Variants in MRPL42 observed in about 807,000 individuals in gnomAD.
The protein encoded by MRPL42 is mitochondrial ribosomal protein L42.
A neutral mutation model predicts 17.9 loss-of-function variants in MRPL42; 17 were observed. The observed-to-expected ratio is 0.95, with a 90% CI of 0.65 to 1.42. MRPL42 has a LOEUF of 1.42. Among genes scored for constraint, MRPL42 ranks in the 40% most tolerant of loss-of-function variants. The pLI, the probability that MRPL42 is intolerant of heterozygous loss-of-function variation, is 0.00. For missense variants in MRPL42, 177 were observed against 175.2 expected, an observed-to-expected ratio of 1.01 and a Z score of -0.06; for synonymous variants, 59 against 54.4, an observed-to-expected ratio of 1.08 and a Z score of -0.37.
chr12:93,509,317 C>T lies in MRPL42; in HGVS notation c.*8096C>T, dbSNP rs1309242748. 6.6e-6 allele frequency: 1 copy of T among 151,988 alleles called. No individual in the cohort carries two copies. The highest frequency in any genetic ancestry group is 1.5e-5 in the Non-Finnish European group (1 of 68,004). The allele number at this position is 151,988 out of a possible 1,614,324, so 9.4% of individuals were successfully genotyped here. A position where few individuals can be genotyped will look rare whatever the true frequency, so the allele number is the denominator to read the frequency against. On this transcript the variant is annotated 3_prime_UTR_variant, in exon 6 of 6. Coordinates refer to ENST00000549982, the MANE Select transcript of MRPL42 (RefSeq NM_014050.4). ...ATTTGATAATATTTTTAGTTTTAGC[C>T]ATTCTAATGGATATATAGTAATAAT...
intron 4 of MRPL42, among the ~76,000 whole-genome samples, chr12:93,485,959 C>T (rs1880721925): frequency 6.6e-6 from 1 of 152,000 alleles, no homozygotes; most frequent in Admixed American, 6.6e-5. Flanking sequence ...CCATGCACCA[C>T]CACACCTGGC....
chr12:93,495,110 C>A (rs943896705), intron 5 of MRPL42, among the ~76,000 whole-genome samples: 1 of 152,154 alleles, frequency 6.6e-6, no homozygotes, highest in African/African-American at 2.4e-5. Flanking sequence ...TAACAGGAAC[C>A]TCTCTTGCTT....
intron 5 of MRPL42, among the ~76,000 whole-genome samples, chr12:93,495,408 G>T (rs1444722773): frequency 1.3e-5 from 2 of 151,722 alleles, no homozygotes; most frequent in Non-Finnish European, 2.9e-5. Context: ...GTTGTTGTTT[G>T]TATTTTTTGG....
At chr12:93,475,341 C>G (rs907144668) in intron 2 of MRPL42, among the ~76,000 whole-genome samples, 5 of 151,876 alleles carry the variant, frequency 3.3e-5, no homozygotes, top group Non-Finnish European at 7.4e-5. Flanking sequence ...GTCTTGAACT[C>G]CTGACCTCAA....
chr12:93,479,293 G>A (rs1880340223), intron 3 of MRPL42, 95 bp from the exon 4 acceptor site: 1 of 675,620 alleles, frequency 1.5e-6, no homozygotes, highest in Admixed American at 3.5e-5. Flanking sequence ...CAGCCTGGGT[G>A]ACATAGTGAG....
chr12:93,498,160 A>G (rs61934350), intron 5 of MRPL42, among the ~76,000 whole-genome samples: 43 of 12,874 alleles, frequency 3.3e-3, no homozygotes, highest in Non-Finnish European at 6.2e-3. Context: ...AAGATCCATG[A>G]AAGTCGGGAT....
intron 2 of MRPL42, among the ~76,000 whole-genome samples, chr12:93,472,677 T>C (rs1191808381): frequency 6.6e-6 from 1 of 152,196 alleles, no homozygotes; most frequent in Non-Finnish European, 1.5e-5. Flanking sequence ...AGCGAAATCA[T>C]GATTAAGGAA....
rs567849703 is a variant in MRPL42, at chr12:93,514,953, C to G, written c.*13732C>G. 8 of 152,246 alleles carry G rather than the reference C, an allele frequency of 5.3e-5. No individual in the cohort carries two copies. Among genetic ancestry groups the G allele is most frequent in the African/African-American group, 1.9e-4 (8 of 41,548 alleles). The allele number at this position is 152,246 out of a possible 1,614,324, so 9.4% of individuals were successfully genotyped here. A position where few individuals can be genotyped will look rare whatever the true frequency, so the allele number is the denominator to read the frequency against. On this transcript the variant is annotated 3_prime_UTR_variant, in exon 6 of 6. Coordinates refer to ENST00000549982, the MANE Select transcript of MRPL42 (RefSeq NM_014050.4). ...ATCCTCTTGATTTGCATTGAGTCAT[C>G]ATTTCTTAAGAGGGAATCAGGATAT...
Position 93,497,915 on chromosome 12 carries a change from A to G in MRPL42, c.384-3261A>G, listed in dbSNP as rs559672795. Among the ~76,000 whole-genome samples the G allele has an allele frequency of 4.6e-4, 68 of 147,308 alleles. No homozygotes were observed. In the South Asian group the frequency reaches 0.014, roughly 30 times the overall value. On this transcript the variant is annotated intron_variant, in intron 5 of 5. Transcript: ENST00000549982. ...GGTCCTGCATTACCTCTCTGCTCTCATGCCCTACTGTCTTTTCCTTGTTCA... is the reference window on the plus strand; with the variant it reads ...GGTCCTGCATTACCTCTCTGCTCTCGTGCCCTACTGTCTTTTCCTTGTTCA...
rs1365409943 is a variant in MRPL42 at position 93,513,049 on chromosome 12, T to A, written c.*11828T>A. ...ATCCCTTTGTAAATCTGGTTTCATC[T>A]TATGAATAATATTTTTTAAAAACCA... On this transcript the variant is annotated 3_prime_UTR_variant, in exon 6 of 6. Coordinates refer to ENST00000549982, the MANE Select transcript of MRPL42 (RefSeq NM_014050.4). The A allele has an allele frequency of 6.6e-6, 1 of 152,192 alleles. No individual in the cohort carries two copies. The highest frequency in any genetic ancestry group is 6.5e-5 in the Admixed American group (1 of 15,278). 9.4% of individuals were successfully genotyped at this position (152,192 alleles called of 1,614,324 possible).
chr12:93,500,244 C>T (rs1698010693), intron 5 of MRPL42, among the ~76,000 whole-genome samples: 1 of 152,016 alleles, frequency 6.6e-6, no homozygotes, highest in Non-Finnish European at 1.5e-5. Context: ...TTTCTATATT[C>T]CTTTGGGACA....
At chr12:93,495,480 C>T (rs1319379524) in intron 5 of MRPL42, among the ~76,000 whole-genome samples, 1 of 152,106 alleles carries the variant, frequency 6.6e-6, no homozygotes, top group Non-Finnish European at 1.5e-5. Flanking sequence ...AGCAATCTGT[C>T]CACCTTGGCC....
intron 2 of MRPL42, among the ~76,000 whole-genome samples, chr12:93,475,057 T>G (rs990211092): frequency 1.3e-5 from 2 of 152,072 alleles, no homozygotes; most frequent in African/African-American, 4.8e-5. Flanking sequence ...AGACAACTCT[T>G]TCTTCTGTGA....
At chr12:93,479,328 A>AAT (rs1880342514) in intron 3 of MRPL42, 60 bp from the exon 4 acceptor site, 18 of 1,263,760 alleles carry the variant, frequency 1.4e-5, no homozygotes, top group Non-Finnish European at 1.7e-5. Flanking sequence ...AAAAAAAAAA[A>AAT]GGTAATCATT....
chr12:93,475,059 C>A (rs1271689594), intron 2 of MRPL42, among the ~76,000 whole-genome samples: 3 of 151,946 alleles, frequency 2.0e-5, no homozygotes, highest in Non-Finnish European at 2.9e-5. Context: ...ACAACTCTTT[C>A]TTCTGTGAAG....
intron 4 of MRPL42, among the ~76,000 whole-genome samples, chr12:93,480,036 T>C (rs1303151763): frequency 2.6e-5 from 4 of 152,106 alleles, no homozygotes; most frequent in Admixed American, 2.0e-4. Context: ...ATATAATTTA[T>C]TTTTAGTTTG....
rs1401933010 is a variant in MRPL42 at position 93,513,912 on chromosome 12, G to A, written c.*12691G>A. ...GTCACCCCAGCTGGAGTGCAGTGGT[G>A]TGATCTTGGCTCACTGCAACCTCCG... On this transcript the variant is annotated 3_prime_UTR_variant, in exon 6 of 6. Transcript: ENST00000549982. The A allele has an allele frequency of 1.3e-5, 2 of 152,066 alleles. No individual in the cohort carries two copies. The highest frequency in any genetic ancestry group is 2.9e-5 in the Non-Finnish European group (2 of 68,042). The allele number at this position is 152,066 out of a possible 1,614,324, so 9.4% of individuals were successfully genotyped here. A position where few individuals can be genotyped will look rare whatever the true frequency, so the allele number is the denominator to read the frequency against.
rs180770162 is a variant in MRPL42, at chr12:93,507,653, T to C, written c.*6432T>C. ...AGCTTATCTTGGCTGGACTTGCCCATGCAGCTGAGGTCACTAGTTGGGTTG... is the reference window on the plus strand; with the variant it reads ...AGCTTATCTTGGCTGGACTTGCCCACGCAGCTGAGGTCACTAGTTGGGTTG... On this transcript the variant is annotated 3_prime_UTR_variant, in exon 6 of 6. Transcript: ENST00000549982. The C allele has an allele frequency of 6.6e-6, 1 of 152,414 alleles. No homozygotes were observed. Among genetic ancestry groups the C allele is most frequent in the Admixed American group, 6.5e-5 (1 of 15,304 alleles). The allele number at this position is 152,414 out of a possible 1,614,324, so 9.4% of individuals were successfully genotyped here.
intron 5 of MRPL42, among the ~76,000 whole-genome samples, chr12:93,497,289 A>G (rs1237255110): frequency 4.6e-5 from 7 of 152,150 alleles, no homozygotes; most frequent in East Asian, 1.9e-4. Context: ...AAACAAAACT[A>G]TGGGCCAGTA....
Sources: allele counts gnomAD v4.1 joint callset (sites outside exome capture counted in the v4.1 genomes callset), GRCh38; gene constraint gnomAD v4.1.1; transcripts MANE v1.5; gene names NCBI Gene and HGNC (gene_info 2026-07-23, HGNC 2026-07-21).